TEK: variants seen among roughly 807,000 people sequenced by gnomAD.
TEK encodes angiopoietin-1 receptor.
In TEK, 43 loss-of-function variants were observed where a neutral mutation model predicts 131.8. The ratio of observed to expected loss-of-function variants is 0.33; its 90% confidence interval spans 0.26 to 0.42. TEK has a LOEUF of 0.42. Ranked by LOEUF, TEK falls within the 10% of genes least tolerant of loss-of-function variation. The pLI is 1.00. For missense variants in TEK, 1,162 were observed against 1,384.4 expected (o/e 0.84, Z 2.55); for synonymous variants, 580 against 491.6 (o/e 1.18, Z -2.38).
At chr9:27,219,588 C>T (rs1026249083) in intron 20 of TEK, among the ~76,000 whole-genome samples, 8 of 114,094 alleles carry the variant, frequency 7.0e-5, no homozygotes, top group African/African-American at 2.1e-4. Flanking sequence ...AAACCACCCA[C>T]CATGGCACAT....
intron 2 of TEK, among the ~76,000 whole-genome samples, chr9:27,167,322 G>A (rs1479522016): frequency 6.6e-6 from 1 of 152,082 alleles, no homozygotes; most frequent in Non-Finnish European, 1.5e-5. Flanking sequence ...CCGCCTCCCG[G>A]ATTCAAGCAA....
At chr9:27,137,896 C>A (rs150123539) in intron 1 of TEK, among the ~76,000 whole-genome samples, 6 of 152,030 alleles carry the variant, frequency 3.9e-5, no homozygotes, top group African/African-American at 1.5e-4. Flanking sequence ...TGGACCCTTG[C>A]GGTGAGTGTT....
At chr9:27,211,959 C>T (rs1334709910) in intron 16 of TEK, among the ~76,000 whole-genome samples, 4 of 122,648 alleles carry the variant, frequency 3.3e-5, no homozygotes, top group Admixed American at 7.8e-5. Context: ...TCCAAGAAAA[C>T]AAAAGTAACA....
intron 7 of TEK, among the ~76,000 whole-genome samples, chr9:27,180,928 A>G (rs75103900): frequency 0.018 from 2,744 of 152,270 alleles, 86 homozygotes; most frequent in African/African-American, 0.062. Flanking sequence ...ACTTTTTAAA[A>G]TGTAAATTCA....
chr9:27,229,098 G>A lies in TEK; in HGVS notation c.3301-60G>A, dbSNP rs549982940. 49 of 1,507,132 alleles carry A rather than the reference G, an allele frequency of 3.3e-5. 1 individual carries two copies. The South Asian group carries it at 4.5e-4, about 14-fold the overall frequency. The allele number at this position is 1,507,132 out of a possible 1,614,324, so 93.4% of individuals were successfully genotyped here. Reference sequence around the variant, plus strand: ...AGAAAACCAAGGTATTGCTGTAACTGCCGCTGGCAGAGGTGGAATCAAAGC... The same window carrying A: ...AGAAAACCAAGGTATTGCTGTAACTACCGCTGGCAGAGGTGGAATCAAAGC... On this transcript the variant is annotated intron_variant, in intron 22 of 22. Coordinates refer to ENST00000380036, the MANE Select transcript of TEK (RefSeq NM_000459.5).
intron 4 of TEK, among the ~76,000 whole-genome samples, chr9:27,172,183 G>C (rs901711433): frequency 3.3e-5 from 5 of 152,172 alleles, no homozygotes; most frequent in Non-Finnish European, 7.3e-5. Context: ...AGATGATGGG[G>C]ATGCTACTGG....
intron 1 of TEK, among the ~76,000 whole-genome samples, chr9:27,119,642 G>A (rs576419710): frequency 1.3e-5 from 2 of 152,080 alleles, no homozygotes; most frequent in Non-Finnish European, 2.9e-5. Flanking sequence ...ATTCCTCTCT[G>A]TTGCTCAACG....
intron 1 of TEK, among the ~76,000 whole-genome samples, chr9:27,111,126 G>A (rs1400439997): frequency 6.6e-6 from 1 of 152,108 alleles, no homozygotes; most frequent in Non-Finnish European, 1.5e-5. Context: ...TAGAAGAATT[G>A]TCATAAAATC....
rs971046699 is a variant in TEK at position 27,172,479 on chromosome 9, G to C, written c.629-137G>C. The C allele has an allele frequency of 4.8e-6, 6 of 1,256,532 alleles. No homozygotes were observed. The African/African-American group carries it at 8.9e-5, about 19-fold the overall frequency. The allele number at this position is 1,256,532 out of a possible 1,614,324, so 77.8% of individuals were successfully genotyped here. On this transcript the variant is annotated intron_variant, in intron 4 of 22. Coordinates refer to ENST00000380036, the MANE Select transcript of TEK (RefSeq NM_000459.5). ...GTCTGTCTCCCATATTAGATGATGA[G>C]CTTTTAGAGAGCAGAGCCTGTATTT...
chr9:27,113,891 C>CAATCT (rs1472438838), intron 1 of TEK, among the ~76,000 whole-genome samples: 10 of 149,326 alleles, frequency 6.7e-5, no homozygotes, highest in Admixed American at 6.7e-4. Flanking sequence ...CCCATCTCCA[C>CAATCT]AATCTACACA....
At chr9:27,150,580 C>T (rs113528900) in intron 1 of TEK, among the ~76,000 whole-genome samples, 80 of 152,222 alleles carry the variant, frequency 5.3e-4, no homozygotes, top group African/African-American at 1.8e-3. Context: ...CACTGCACTG[C>T]AGCCTGGGTG....
At chr9:27,134,872 A>C (rs1385125310) in intron 1 of TEK, among the ~76,000 whole-genome samples, 2 of 152,342 alleles carry the variant, frequency 1.3e-5, no homozygotes, top group South Asian at 4.1e-4. Flanking sequence ...AGAAATACGT[A>C]TGCTGCTGTG....
At chr9:27,185,658 G>A (rs771143599) in intron 9 of TEK, 29 bp downstream of exon 9, 2 of 1,613,068 alleles carry the variant, frequency 1.2e-6, no homozygotes, top group Admixed American at 1.7e-5. Flanking sequence ...AAAAGGGATT[G>A]TGTCCTTGAT....
At chr9:27,212,004 AGAGAG>A (rs1394883849) in intron 16 of TEK, among the ~76,000 whole-genome samples, 2 of 146,086 alleles carry the variant, frequency 1.4e-5, no homozygotes, top group African/African-American at 5.1e-5. Context: ...AAAAAAAAAA[AGAGAG>A]AGAGAAATGA....
intron 18 of TEK, among the ~76,000 whole-genome samples, chr9:27,214,439 T>G (rs1825743353): frequency 6.6e-6 from 1 of 152,200 alleles, no homozygotes; most frequent in South Asian, 2.1e-4. Flanking sequence ...CTGGGATGGC[T>G]CCAGTTGTCA....
intron 1 of TEK, among the ~76,000 whole-genome samples, chr9:27,144,693 C>T (rs1329771585): frequency 5.9e-5 from 9 of 152,082 alleles, no homozygotes; most frequent in Admixed American, 5.9e-4. Flanking sequence ...CACATATGGC[C>T]TGGAAGACAA....
intron 22 of TEK, 121 bp downstream of exon 22, chr9:27,228,426 A>G: frequency 3.8e-6 from 3 of 792,018 alleles, no homozygotes; most frequent in Non-Finnish European, 6.3e-6. Context: ...AGTATTATAG[A>G]AACAAAGGAT....
rs137995338 is a variant in TEK at position 27,140,066 on chromosome 9, G to A, written c.53-17765G>A. Among the ~76,000 whole-genome samples the A allele has an allele frequency of 2.8e-3, 420 of 152,280 alleles. 2 individuals carry two copies. Among genetic ancestry groups the A allele is most frequent in the African/African-American group, 9.4e-3 (392 of 41,552 alleles). On this transcript the variant is annotated intron_variant, in intron 1 of 22. Transcript: ENST00000380036. ...TTTCAGATCCATTTCCTGGTGCTCAGATCAGTGTCCATTTTAATCGGTTGG... is the reference window on the plus strand; with the variant it reads ...TTTCAGATCCATTTCCTGGTGCTCAAATCAGTGTCCATTTTAATCGGTTGG...
intron 6 of TEK, among the ~76,000 whole-genome samples, chr9:27,177,851 T>C (rs955456890): frequency 5.3e-5 from 8 of 152,220 alleles, no homozygotes; most frequent in Admixed American, 1.3e-4. Flanking sequence ...TCCTTATATA[T>C]TCTGGATATT....
Sources: allele counts gnomAD v4.1 joint callset (sites outside exome capture counted in the v4.1 genomes callset), GRCh38; gene constraint gnomAD v4.1.1; transcripts MANE v1.5; gene names NCBI Gene and HGNC (gene_info 2026-07-23, HGNC 2026-07-21).